The following RPH3AL variants were observed in gnomAD, a reference collection of about 807,000 sequenced individuals.
The protein encoded by RPH3AL is rab effector Noc2.
In RPH3AL, 38 loss-of-function variants were observed where a neutral mutation model predicts 43.1. The ratio of observed to expected loss-of-function variants is 0.88; its 90% CI spans 0.68 to 1.15. RPH3AL has a LOEUF of 1.15. Ranked by LOEUF, RPH3AL falls within the 50% of genes most tolerant of loss-of-function variation. The pLI, the probability that RPH3AL is intolerant of heterozygous loss-of-function variation, is 0.00. For synonymous variants in RPH3AL, 189 were observed against 176.3 expected (o/e 1.07, Z -0.57); for missense variants, 462 against 423.2 (o/e 1.09, Z -0.81).
intron 7 of RPH3AL, among the ~76,000 whole-genome samples, chr17:221,700 A>G (rs1238035986): frequency 3.0e-5 from 4 of 132,450 alleles, no homozygotes; most frequent in African/African-American, 8.8e-5. Flanking sequence ...CACTGAGACA[A>G]TAGACCCAAG....
intron 5 of RPH3AL, among the ~76,000 whole-genome samples, chr17:284,519 T>C (rs1245446865): frequency 6.6e-6 from 1 of 151,892 alleles, no homozygotes; most frequent in Non-Finnish European, 1.5e-5. Flanking sequence ...GGGTCGTGAG[T>C]GTGGCCTGAT....
At chr17:334,280 A>G (rs1308022134) in intron 1 of RPH3AL, among the ~76,000 whole-genome samples, 1 of 152,232 alleles carries the variant, frequency 6.6e-6, no homozygotes, top group Non-Finnish European at 1.5e-5. Context: ...ACAGTGAGAA[A>G]AACAACAGCC....
chr17:321,602 ACGGCC>A, intron 3 of RPH3AL, 187 bp from the exon 4 acceptor site: 2 of 495,894 alleles, frequency 4.0e-6, no homozygotes, highest in Non-Finnish European at 3.3e-6. Flanking sequence ...GGCAACAGAG[ACGGCC>A]CAGGTGGCAA....
intron 1 of RPH3AL, chr17:338,919 C>CG (rs995073874): frequency 5.2e-5 from 8 of 152,516 alleles, no homozygotes; most frequent in African/African-American, 1.2e-4. Flanking sequence ...CTCCAGGCCC[C>CG]GGGGGGCAGC....
At position 323,250 on chromosome 17, in the gene RPH3AL, T is replaced by G. The variant is rs1598131851; in HGVS notation, c.78-1835A>C. 6.9e-6 allele frequency among the ~76,000 whole-genome samples: 1 copy of G among 144,696 alleles called. No individual in the cohort carries two copies. The highest frequency in any genetic ancestry group is 2.2e-4 in the South Asian group (1 of 4,554). The allele number at this position is 144,696 out of a possible 152,430, so 94.9% of individuals were successfully genotyped here. A position where few individuals can be genotyped will look rare whatever the true frequency, so the allele number is the denominator to read the frequency against. ...GGGATCCATACTTCTACACTGCCGG[T>G]TTTTCCAATTTAAAAAAAAAAAAAC... is the stretch of plus-strand genomic sequence containing the variant. On this transcript the variant is annotated intron_variant, in intron 3 of 9. Coordinates refer to ENST00000331302, the MANE Select transcript of RPH3AL (RefSeq NM_006987.4). This position sits in a 1 kb window ranked among gnomAD's most constrained non-coding sequence, Gnocchi z 4.4.
intron 5 of RPH3AL, among the ~76,000 whole-genome samples, chr17:284,131 T>C (rs2042848005): frequency 6.6e-6 from 1 of 152,140 alleles, no homozygotes; most frequent in South Asian, 2.1e-4. Flanking sequence ...CTGCCCTGCA[T>C]AGGCTGCTGA....
At chr17:253,055 A>G (rs1555543208) in intron 6 of RPH3AL, among the ~76,000 whole-genome samples, 1 of 152,154 alleles carries the variant, frequency 6.6e-6, no homozygotes, top group Non-Finnish European at 1.5e-5. Flanking sequence ...CTCGGCTTAC[A>G]CTTCCTGGTG....
intron 5 of RPH3AL, among the ~76,000 whole-genome samples, chr17:301,986 C>T (rs2043340444): frequency 6.6e-6 from 1 of 152,188 alleles, no homozygotes; most frequent in Non-Finnish European, 1.5e-5. Context: ...TCAGAAGCAC[C>T]CCCACCCTGA....
chr17:248,648 T>C (rs4395128), intron 6 of RPH3AL, among the ~76,000 whole-genome samples: 46,946 of 152,054 alleles, frequency 0.31, 7,537 homozygotes, highest in Non-Finnish European at 0.33. Flanking sequence ...GAGGGGTCCC[T>C]CTGTTCCTCT....
chr17:351,124 C>T (rs1438206007), intron 1 of RPH3AL, among the ~76,000 whole-genome samples: 1 of 152,192 alleles, frequency 6.6e-6, no homozygotes, highest in Non-Finnish European at 1.5e-5. Flanking sequence ...TTGTCCACCT[C>T]CGACCTACCT....
At chr17:248,380 T>A (rs2041814265) in intron 6 of RPH3AL, among the ~76,000 whole-genome samples, 1 of 152,148 alleles carries the variant, frequency 6.6e-6, no homozygotes. Flanking sequence ...ATCCTGAGCC[T>A]CCCAGGAGCC....
chr17:301,555 T>C (rs2043328077), intron 5 of RPH3AL, among the ~76,000 whole-genome samples: 1 of 152,192 alleles, frequency 6.6e-6, no homozygotes, highest in Admixed American at 6.5e-5. Context: ...TCCTCCTGCC[T>C]TGGCCTCCCA....
Position 327,497 on chromosome 17 carries a change from G to T in RPH3AL, c.47C>A (p.Pro16His), listed in dbSNP as rs753304035. 8.1e-6 allele frequency: 13 copies of T among 1,613,998 alleles called. No individual in the cohort carries two copies. In the East Asian group the frequency reaches 2.9e-4, roughly 36 times the overall value. Residue 16 changes from proline (P) to histidine (H), a missense_variant, in exon 3 of 10, where the codon CCC (proline) becomes CAC (histidine). Coordinates refer to ENST00000331302, the MANE Select transcript of RPH3AL (RefSeq NM_006987.4). Reference sequence around the variant, plus strand: ...TCGAAGGGCAAGCTGCCGGTCATTGGGGCAAACCCACTGATCATTCCCGCT... The same window carrying T: ...TCGAAGGGCAAGCTGCCGGTCATTGTGGCAAACCCACTGATCATTCCCGCT... ...FGSGNDQWVC[P>H]NDRQLALRAK...
intron 6 of RPH3AL, among the ~76,000 whole-genome samples, chr17:267,089 G>A (rs1448022897): frequency 2.0e-5 from 3 of 152,364 alleles, no homozygotes; most frequent in African/African-American, 7.2e-5. Flanking sequence ...CCTACAAGCT[G>A]CTGAGAACAG....
chr17:323,470 A>G lies in RPH3AL; in HGVS notation c.78-2055T>C, dbSNP rs1263106179. Reference sequence around the variant, plus strand: ...CCCAAAAAGCAATATCCCCTCCACAACCCCTACCTACTGGTTTGTTCCATC... The same window carrying G: ...CCCAAAAAGCAATATCCCCTCCACAGCCCCTACCTACTGGTTTGTTCCATC... On this transcript the variant is annotated intron_variant, in intron 3 of 9. Coordinates refer to ENST00000331302, the MANE Select transcript of RPH3AL (RefSeq NM_006987.4). The surrounding 1 kb of genome is among the most constrained non-coding windows in gnomAD (Gnocchi z 4.4). 6.6e-6 allele frequency among the ~76,000 whole-genome samples: 1 copy of G among 151,960 alleles called. No individual in the cohort carries two copies. The highest frequency in any genetic ancestry group is 1.5e-5 in the Non-Finnish European group (1 of 67,974).
intron 5 of RPH3AL, among the ~76,000 whole-genome samples, chr17:318,149 G>A (rs1032272118): frequency 8.5e-5 from 13 of 152,176 alleles, no homozygotes; most frequent in South Asian, 8.3e-4. Flanking sequence ...TTGGGAGGCC[G>A]AGGCAGGCGG....
In RPH3AL at chr17:235,565, G is replaced by A. The variant is rs1174844800; in HGVS notation, c.613+11546C>T. ...AAGACGGGTCCCGGGTTCAAAGCTG[G>A]GGTCGGTGGAGGCTCCACACTAACA... On this transcript the variant is annotated intron_variant, in intron 7 of 9. Coordinates refer to ENST00000331302, the MANE Select transcript of RPH3AL (RefSeq NM_006987.4). Among the ~76,000 whole-genome samples the A allele has an allele frequency of 8.9e-5, 13 of 145,986 alleles. 1 individual carries two copies. Among genetic ancestry groups the A allele is most frequent in the Non-Finnish European group, 1.7e-4 (11 of 65,286 alleles).
In RPH3AL at chr17:283,288, G is replaced by C. The variant is rs1471659148; in HGVS notation, c.352-1434C>G. Among the ~76,000 whole-genome samples the C allele has an allele frequency of 6.6e-6, 1 of 152,170 alleles. No individual in the cohort carries two copies. Among genetic ancestry groups the C allele is most frequent in the Non-Finnish European group, 1.5e-5 (1 of 68,038 alleles). On this transcript the variant is annotated intron_variant, in intron 5 of 9. Transcript: ENST00000331302. The surrounding 1 kb of genome is among the most constrained non-coding windows in gnomAD (Gnocchi z 4.2). ...CACCAACTTGGCTTCCACGTCGAGC[G>C]TGTCGAGCGTGTGGAGGTCACTGGC...
chr17:305,485 A>G (rs145716104), intron 5 of RPH3AL, among the ~76,000 whole-genome samples: 36 of 152,156 alleles, frequency 2.4e-4, no homozygotes, highest in African/African-American at 8.2e-4. Flanking sequence ...GCAGCTTCAC[A>G]AGGTTACAGG....
Sources: allele counts gnomAD v4.1 joint callset (sites outside exome capture counted in the v4.1 genomes callset), GRCh38; gene constraint gnomAD v4.1.1; non-coding constraint Gnocchi (gnomAD v3.1); transcripts MANE v1.5; gene names NCBI Gene and HGNC (gene_info 2026-07-23, HGNC 2026-07-21).